MAGI1: variants seen among roughly 807,000 people sequenced by gnomAD.
MAGI1 encodes the protein membrane-associated guanylate kinase, WW and PDZ domain-containing protein 1.
In MAGI1, 58 loss-of-function variants were observed where a neutral mutation model predicts 139.9. The observed-to-expected ratio is 0.41, with a 90% CI of 0.34 to 0.52. MAGI1 has a LOEUF of 0.52. Ranked by LOEUF, MAGI1 falls within the 20% of genes least tolerant of loss-of-function variation. The pLI is 0.12. For missense variants in MAGI1, 1,874 were observed against 1,901.6 expected (o/e 0.99, Z 0.27); for synonymous variants, 812 against 737.9 (o/e 1.10, Z -1.63).
chr3:65,748,870 A>C (rs2035910091), intron 1 of MAGI1, among the ~76,000 whole-genome samples: 1 of 152,172 alleles, frequency 6.6e-6, no homozygotes, highest in Non-Finnish European at 1.5e-5. Context: ...GACTGGTGAA[A>C]TGACACGGAC....
At chr3:65,538,725 G>A (rs1351216859) in intron 2 of MAGI1, among the ~76,000 whole-genome samples, 2 of 151,950 alleles carry the variant, frequency 1.3e-5, no homozygotes, top group African/African-American at 4.8e-5. Flanking sequence ...CACACCAGAC[G>A]GACAGGAAGG....
Position 65,415,035 on chromosome 3 carries a change from CAGA to C in MAGI1, c.2168-13568_2168-13566del, listed in dbSNP as rs200678031. Among the ~76,000 whole-genome samples, 745 of 139,806 alleles carry C rather than the reference CAGA, an allele frequency of 5.3e-3. 5 individuals carry two copies. The highest frequency in any genetic ancestry group is 0.019 in the African/African-American group (704 of 37,694). The allele number at this position is 139,806 out of a possible 152,430, so 91.7% of individuals were successfully genotyped here. ...AAAAAAAAAACAAAAAAAAAAAAAA[CAGA>C]AGAAGAAGAACATCATTACCTATAA... is the stretch of plus-strand genomic sequence containing the variant. On this transcript the variant is annotated intron_variant, in intron 12 of 22. Transcript: ENST00000402939.
chr3:65,713,268 T>C (rs1331450687), intron 1 of MAGI1, among the ~76,000 whole-genome samples: 1 of 152,086 alleles, frequency 6.6e-6, no homozygotes, highest in Admixed American at 6.6e-5. Flanking sequence ...GCTGCAGCCA[T>C]CACCATGGAA....
intron 1 of MAGI1, among the ~76,000 whole-genome samples, chr3:65,658,414 A>T (rs34765989): frequency 0.31 from 46,472 of 152,074 alleles, 8,522 homozygotes; most frequent in East Asian, 0.57. Context: ...TGACTGTTTA[A>T]AATGTTTAGT....
intron 3 of MAGI1, 100 bp downstream of exon 3, chr3:65,493,412 T>G (rs1432605053): frequency 2.1e-6 from 3 of 1,422,662 alleles, no homozygotes; most frequent in Non-Finnish European, 2.9e-6. Context: ...GTTATTTGTT[T>G]AGACCTCCAG....
intron 1 of MAGI1, among the ~76,000 whole-genome samples, chr3:65,679,628 C>A (rs1291262882): frequency 6.6e-6 from 1 of 152,038 alleles, no homozygotes; most frequent in African/African-American, 2.4e-5. Context: ...AACGGCAGTC[C>A]AGGGCACAGA....
In MAGI1 at chr3:65,429,733, C is replaced by A; in HGVS notation, c.1954G>T (p.Gly652Cys). The A allele has an allele frequency of 6.2e-7, 1 of 1,613,958 alleles. No homozygotes were observed. Among genetic ancestry groups the A allele is most frequent in the Non-Finnish European group, 8.5e-7 (1 of 1,179,976 alleles). ...CTGTCTGCGATAGTAAAACCAAAGC[C>A]CATTGGCCCTTTGACAATATGAACA... ...ITVHIVKGPM[G>C]FGFTIADSPG... The change falls in exon 12 of 23, where the codon GGC becomes TGC. Residue 652 changes from glycine (G) to cysteine (C), a missense_variant. Transcript: ENST00000402939.
At chr3:65,639,492 G>C (rs932317385) in intron 1 of MAGI1, among the ~76,000 whole-genome samples, 4 of 152,122 alleles carry the variant, frequency 2.6e-5, no homozygotes, top group Non-Finnish European at 4.4e-5. Context: ...TCATCTGGGA[G>C]GGTTGATTTT....
chr3:65,584,255 C>T (rs2081572398), intron 2 of MAGI1, among the ~76,000 whole-genome samples: 2 of 152,086 alleles, frequency 1.3e-5, no homozygotes, highest in Admixed American at 1.3e-4. Context: ...GAGGCCAATG[C>T]TGGAATTGGT....
chr3:65,487,181 A>T (rs1266787626), intron 3 of MAGI1, among the ~76,000 whole-genome samples: 1 of 152,148 alleles, frequency 6.6e-6, no homozygotes, highest in East Asian at 1.9e-4. Flanking sequence ...TTCAATTACT[A>T]CTTCTACAGA....
chr3:65,703,071 G>A (rs2089724437), intron 1 of MAGI1, among the ~76,000 whole-genome samples: 1 of 152,028 alleles, frequency 6.6e-6, no homozygotes, highest in Admixed American at 6.5e-5. Flanking sequence ...CCACGTTCAG[G>A]AGCACCATGC....
At chr3:65,720,931 G>A (rs1243334063) in intron 1 of MAGI1, among the ~76,000 whole-genome samples, 7 of 151,580 alleles carry the variant, frequency 4.6e-5, no homozygotes, top group Admixed American at 2.0e-4. Flanking sequence ...TTGTAGAGAC[G>A]GGGTTTCACC....
chr3:65,429,991 T>G lies in MAGI1; in HGVS notation c.1696A>C (p.Asn566His). The G allele has an allele frequency of 6.2e-7, 1 of 1,613,980 alleles. No homozygotes were observed. Among genetic ancestry groups the G allele is most frequent in the Non-Finnish European group, 8.5e-7 (1 of 1,179,936 alleles). ...GCTACCGAGGTCACTAAACTTGTAT[T>G]GGGGTCATCTGGATCAAAAGGCAAT... is the stretch of plus-strand genomic sequence containing the variant. ...YPLPFDPDDP[N>H]TSLVTSVAIL... The change falls in exon 12 of 23, where the codon AAT (asparagine) becomes CAT (histidine). Residue 566 changes from asparagine to histidine, a missense_variant. By Grantham distance (68) the Asn-to-His change is moderately conservative. Coordinates refer to ENST00000402939, the MANE Select transcript of MAGI1 (RefSeq NM_001033057.2).
intron 2 of MAGI1, among the ~76,000 whole-genome samples, chr3:65,530,805 A>G: frequency 2.1e-5 from 1 of 47,480 alleles, no homozygotes; most frequent in Admixed American, 2.3e-4. Context: ...ATATATATAT[A>G]CACACATATA....
intron 1 of MAGI1, among the ~76,000 whole-genome samples, chr3:65,672,113 T>G (rs906763309): frequency 2.0e-5 from 3 of 152,188 alleles, no homozygotes; most frequent in Non-Finnish European, 4.4e-5. Flanking sequence ...AAACCAGTAT[T>G]GCCAAAACTG....
chr3:65,715,625 CCACCGTTTCAGACACA>C (rs2032143184), intron 1 of MAGI1, among the ~76,000 whole-genome samples: 1 of 152,114 alleles, frequency 6.6e-6, no homozygotes, highest in African/African-American at 2.4e-5. Context: ...CACACAAGCA[CCACCGTTTCAGACACA>C]CATTTTGTTT....
At chr3:65,823,780 T>C (rs755151830) in intron 1 of MAGI1, among the ~76,000 whole-genome samples, 11 of 152,178 alleles carry the variant, frequency 7.2e-5, no homozygotes, top group Admixed American at 1.3e-4. Flanking sequence ...AGAGCTGACC[T>C]ATAAGCACTG....
chr3:65,783,202 T>G (rs894816321), intron 1 of MAGI1, among the ~76,000 whole-genome samples: 1 of 151,366 alleles, frequency 6.6e-6, no homozygotes, highest in African/African-American at 2.4e-5. Flanking sequence ...AAAGAAAGAA[T>G]AGGACAAATA....
At chr3:65,610,819 T>TGGTATATATAC (rs2083033054) in intron 2 of MAGI1, among the ~76,000 whole-genome samples, 1 of 125,144 alleles carries the variant, frequency 8.0e-6, no homozygotes, top group Admixed American at 8.4e-5. Context: ...ATATAGTATA[T>TGGTATATATAC]AGTATATATA....
Sources: allele counts gnomAD v4.1 joint callset (sites outside exome capture counted in the v4.1 genomes callset), GRCh38; gene constraint gnomAD v4.1.1; transcripts MANE v1.5; gene names NCBI Gene and HGNC (gene_info 2026-07-23, HGNC 2026-07-21).